Variants in TTC3 observed in about 807,000 individuals in gnomAD.
The protein encoded by TTC3 is tetratricopeptide repeat domain 3, also known as E3 ubiquitin-protein ligase TTC3.
In TTC3, 180 loss-of-function variants were observed where a neutral mutation model predicts 249.6. The ratio of observed to expected loss-of-function variants is 0.72; its 90% CI spans 0.64 to 0.82. The LOEUF is 0.82. TTC3 is among the 40% of genes least tolerant of loss of function. The pLI is 0.00. For synonymous variants in TTC3, 717 were observed against 805.0 expected (o/e 0.89, Z 1.85); for missense variants, 2,061 against 2,398.4 (o/e 0.86, Z 2.94).
Position 37,085,048 on chromosome 21 carries a change from C to T in TTC3, c.-11-2199C>T, listed in dbSNP as rs1007514380. 1.2e-4 allele frequency among the ~76,000 whole-genome samples: 19 copies of T among 152,134 alleles called. No individual in the cohort carries two copies. In the East Asian group the frequency reaches 3.3e-3, roughly 27 times the overall value. On this transcript the variant is annotated intron_variant, in intron 1 of 45. Coordinates refer to ENST00000355666, the Ensembl canonical transcript of TTC3. The stretch of plus-strand genomic sequence containing the variant: ...TAGAAAATAAAATATACCCCAGTGT[C>T]GTAATTACAGTACAATTGGTGCTGT...
chr21:37,150,254 A>T, intron 24 of TTC3, 84 bp downstream of exon 24: 1 of 968,548 alleles, frequency 1.0e-6, no homozygotes, highest in Non-Finnish European at 1.6e-6. Context: ...TGTAGATATC[A>T]TGTAATTTGG....
At chr21:37,127,087 T>C (rs2077094714) in intron 15 of TTC3, among the ~76,000 whole-genome samples, 1 of 152,166 alleles carries the variant, frequency 6.6e-6, no homozygotes, top group Admixed American at 6.5e-5. Flanking sequence ...AATCTTGGCT[T>C]CAAGCAATCC....
intron 11 of TTC3, among the ~76,000 whole-genome samples, chr21:37,119,224 T>TAAAA (rs970680613): frequency 6.6e-6 from 1 of 152,160 alleles, no homozygotes; most frequent in Non-Finnish European, 1.5e-5. Context: ...AGATTTTTTT[T>TAAAA]AGGCGGGACT....
intron 9 of TTC3, 95 bp downstream of exon 9, chr21:37,095,539 A>G (rs1221454553): frequency 2.4e-6 from 2 of 828,256 alleles, no homozygotes; most frequent in Non-Finnish European, 3.7e-6. Flanking sequence ...AGAATTGGAG[A>G]GTATCTTCCA....
In TTC3 at chr21:37,195,659, G is replaced by A. The variant is rs150361914; in HGVS notation, c.5218-16G>A. 9.5e-6 allele frequency: 15 copies of A among 1,587,148 alleles called. No homozygotes were observed. Among genetic ancestry groups the A allele is most frequent in the Non-Finnish European group, 1.2e-5 (14 of 1,165,828 alleles). On this transcript the variant is annotated splice_polypyrimidine_tract_variant and intron_variant, in intron 41 of 45. Coordinates refer to ENST00000355666, the Ensembl canonical transcript of TTC3. ...GGAAGCCCTAAGTGATCCATGGTGT[G>A]GTGTGTTCCTCACAGGTTCATCCCG...
exon 5 of TTC3, chr21:37,088,799 C>G (rs769902260): frequency 6.1e-5 from 98 of 1,609,656 alleles, no homozygotes; most frequent in Non-Finnish European, 8.1e-5. Context: ...TGTCTTTAAG[C>G]AATTCACGTG....
intron 13 of TTC3, 60 bp from the exon 14 acceptor site, chr21:37,124,559 T>G: frequency 6.4e-7 from 1 of 1,568,256 alleles, no homozygotes; most frequent in Non-Finnish European, 8.7e-7. Flanking sequence ...TGCTGCAACC[T>G]GTTCATTCAA....
intron 29 of TTC3, 98 bp downstream of exon 29, chr21:37,159,843 G>C: frequency 2.6e-6 from 3 of 1,150,056 alleles, no homozygotes; most frequent in Non-Finnish European, 3.9e-6. Flanking sequence ...ATCACAGCCA[G>C]CATTCAAGAA....
intron 34 of TTC3, among the ~76,000 whole-genome samples, chr21:37,168,963 C>T (rs2081486302): frequency 6.6e-6 from 1 of 152,186 alleles, no homozygotes; most frequent in African/African-American, 2.4e-5. Flanking sequence ...CAGGAAGCTT[C>T]AGTTCCTTGC....
chr21:37,190,130 C>CTTTTTTTTTTTTTTTT, intron 39 of TTC3, among the ~76,000 whole-genome samples: 1 of 65,048 alleles, frequency 1.5e-5, no homozygotes, highest in Non-Finnish European at 2.8e-5. Flanking sequence ...CTTTTTCTTT[C>CTTTTTTTTTTTTTTTT]TTTTTTTTTT....
At chr21:37,107,078 T>G (rs1372911655) in intron 10 of TTC3, among the ~76,000 whole-genome samples, 20 of 45,960 alleles carry the variant, frequency 4.4e-4, no homozygotes, top group African/African-American at 8.2e-4. Flanking sequence ...TCTAGTTGGT[T>G]TTTTTTTTTT....
intron 44 of TTC3, 23 bp downstream of exon 44, chr21:37,198,048 G>T: frequency 6.5e-7 from 1 of 1,537,698 alleles, no homozygotes; most frequent in Non-Finnish European, 8.8e-7. Context: ...GTATAGTTTT[G>T]TTTTTTAATG....
At chr21:37,089,488 A>T (rs1243064202) in intron 5 of TTC3, among the ~76,000 whole-genome samples, 3 of 152,028 alleles carry the variant, frequency 2.0e-5, no homozygotes, top group Non-Finnish European at 4.4e-5. Context: ...GTACCTTTAT[A>T]AAAAAAATTA....
rs567917104 is a variant in TTC3 at position 37,180,768 on chromosome 21, AAT to A, written c.4618-2005_4618-2004del. 3.3e-3 allele frequency among the ~76,000 whole-genome samples: 502 copies of A among 152,090 alleles called. 1 individual carries two copies. The highest frequency in any genetic ancestry group is 4.0e-3 in the Non-Finnish European group (271 of 67,998). On this transcript the variant is annotated intron_variant, in intron 35 of 45. Transcript: ENST00000355666. Reference sequence around the variant, plus strand: ...TAAAACTTAAAGTATAATAAAAAAAAATGGCTTTATAAGGAGAAAAAAAAAAG... The same window carrying A: ...TAAAACTTAAAGTATAATAAAAAAAAGGCTTTATAAGGAGAAAAAAAAAAG...
intron 23 of TTC3, 50 bp from the exon 24 acceptor site, chr21:37,150,028 C>T (rs760424272): frequency 7.6e-7 from 1 of 1,314,400 alleles, no homozygotes; most frequent in East Asian, 2.3e-5. Flanking sequence ...ATAGATTTAT[C>T]CCCCCTAGAC....
intron 21 of TTC3, among the ~76,000 whole-genome samples, chr21:37,145,594 T>C (rs977340157): frequency 6.6e-6 from 1 of 152,228 alleles, no homozygotes; most frequent in African/African-American, 2.4e-5. Context: ...AACATAGAGT[T>C]ACCATGTCTC....
chr21:37,076,481 C>T (rs1172685213), intron 1 of TTC3, among the ~76,000 whole-genome samples: 1 of 152,106 alleles, frequency 6.6e-6, no homozygotes, highest in African/African-American at 2.4e-5. Flanking sequence ...TGTGTGGGTA[C>T]AAATGATGTT....
chr21:37,144,852 C>A (rs905246210), intron 21 of TTC3, among the ~76,000 whole-genome samples: 2 of 152,160 alleles, frequency 1.3e-5, no homozygotes, highest in Admixed American at 6.5e-5. Context: ...TATGCTTAAT[C>A]CTTATAGCAG....
chr21:37,116,192 A>T (rs1163774295), intron 11 of TTC3, among the ~76,000 whole-genome samples: 2 of 152,214 alleles, frequency 1.3e-5, no homozygotes, highest in African/African-American at 4.8e-5. Flanking sequence ...GATTGAATGA[A>T]TCAAATAGTA....
Sources: gnomAD v4.1 joint callset for allele counts (sites outside exome capture counted in the v4.1 genomes callset) on GRCh38, gnomAD v4.1.1 for gene constraint, MANE v1.5 for transcripts, NCBI Gene and HGNC (gene_info 2026-07-23, HGNC 2026-07-21) for gene names.